NHSL1: variants seen among roughly 807,000 people sequenced by gnomAD.
NHSL1 encodes NHS-like protein 1.
NHSL1 carries 48 observed loss-of-function variants against 95.0 expected under a neutral mutation model. The ratio of observed to expected loss-of-function variants is 0.51; its 90% CI spans 0.40 to 0.64. NHSL1 has a LOEUF of 0.64. Among genes scored for constraint, NHSL1 ranks in the 30% least tolerant of loss-of-function variants. NHSL1 has a pLI of 0.00. For synonymous variants in NHSL1, 783 were observed against 833.9 expected (o/e 0.94, Z 1.05); for missense variants, 1,971 against 2,077.7 (o/e 0.95, Z 1.00).
At chr6:138,481,361 C>A (rs1031994096) in intron 2 of NHSL1, among the ~76,000 whole-genome samples, 3 of 152,172 alleles carry the variant, frequency 2.0e-5, no homozygotes, top group African/African-American at 7.2e-5. Context: ...AGAAATCATA[C>A]TGATATAGTT....
intron 1 of NHSL1, among the ~76,000 whole-genome samples, chr6:138,538,633 A>G (rs1782457380): frequency 6.6e-6 from 1 of 152,198 alleles, no homozygotes; most frequent in African/African-American, 2.4e-5. Context: ...TGAAAGTTCC[A>G]GCAACAATGA....
At chr6:138,462,446 C>G (rs1297952999) in intron 3 of NHSL1, among the ~76,000 whole-genome samples, 1 of 152,208 alleles carries the variant, frequency 6.6e-6, no homozygotes, top group Non-Finnish European at 1.5e-5. Flanking sequence ...GAGAACATCA[C>G]CAAGCTATTC....
At chr6:138,650,483 G>T in intron 1 of NHSL1, 1 of 845,088 alleles carries the variant, frequency 1.2e-6, no homozygotes, top group Non-Finnish European at 2.0e-6. Flanking sequence ...CCTGGTGGAG[G>T]CTGTCATCCA....
chr6:138,634,579 G>A (rs1784863944), intron 1 of NHSL1, among the ~76,000 whole-genome samples: 2 of 151,958 alleles, frequency 1.3e-5, no homozygotes, highest in Admixed American at 6.6e-5. Flanking sequence ...AGCTAAAAAG[G>A]GAGAGATCCC....
At chr6:138,497,495 G>A (rs1224864767) in intron 1 of NHSL1, among the ~76,000 whole-genome samples, 1 of 152,120 alleles carries the variant, frequency 6.6e-6, no homozygotes, top group African/African-American at 2.4e-5. Context: ...CATGTACCTG[G>A]AAACTAGACC....
At chr6:138,476,134 CCACT>C (rs1355076131) in intron 2 of NHSL1, among the ~76,000 whole-genome samples, 1 of 152,074 alleles carries the variant, frequency 6.6e-6, no homozygotes, top group East Asian at 1.9e-4. Context: ...CCCAGCAATC[CCACT>C]ACTGAGCATC....
chr6:138,449,110 G>C (rs924069324), intron 3 of NHSL1, among the ~76,000 whole-genome samples: 2 of 150,896 alleles, frequency 1.3e-5, no homozygotes, highest in African/African-American at 4.9e-5. Flanking sequence ...ACTGTTTACT[G>C]CTACTGCATT....
At chr6:138,597,894 T>C (rs1468294714) in intron 1 of NHSL1, among the ~76,000 whole-genome samples, 1 of 152,188 alleles carries the variant, frequency 6.6e-6, no homozygotes, top group African/African-American at 2.4e-5. Flanking sequence ...TGAGAAGCAC[T>C]GACCTACAGG....
chr6:138,508,411 G>A lies in NHSL1; in HGVS notation c.17-12040C>T, dbSNP rs139231749. Among the ~76,000 whole-genome samples the A allele has an allele frequency of 7.2e-5, 11 of 152,154 alleles. No individual in the cohort carries two copies. In the East Asian group the frequency reaches 1.9e-3, roughly 27 times the overall value. ...ATTGGTGAGTATGGAAATAGCACAG[G>A]CAAATCAAAAAAGGGAGATTTCATA... On this transcript the variant is annotated intron_variant, in intron 1 of 4. Transcript: ENST00000342260.
intron 1 of NHSL1, among the ~76,000 whole-genome samples, chr6:138,627,279 T>C (rs182294038): frequency 3.3e-5 from 5 of 152,358 alleles, no homozygotes; most frequent in Admixed American, 2.6e-4. Context: ...GCTTTTGGTC[T>C]ATGTTTTAAG....
Position 138,639,886 on chromosome 6 carries a change from C to T in NHSL1, c.96+52590G>A, listed in dbSNP as rs1583461994. ...TTACAAACCATTTTTCAAATTTTAG[C>T]TTTTTTTTTTTTTTTACAAAATGCA... On this transcript the variant is annotated intron_variant, in intron 1 of 3. Transcript: ENST00000491526. Among the ~76,000 whole-genome samples, 3 of 123,234 alleles carry T rather than the reference C, an allele frequency of 2.4e-5. No homozygotes were observed. The South Asian group carries it at 7.8e-4, about 32-fold the overall frequency. The allele number at this position is 123,234 out of a possible 152,430, so 80.8% of individuals were successfully genotyped here.
intron 3 of NHSL1, among the ~76,000 whole-genome samples, chr6:138,455,668 A>G (rs533046068): frequency 5.9e-5 from 9 of 152,338 alleles, no homozygotes; most frequent in African/African-American, 1.7e-4. Context: ...TATTAAAATA[A>G]TCTGTTTCAT....
At chr6:138,482,521 C>G (rs914079207) in intron 2 of NHSL1, among the ~76,000 whole-genome samples, 3 of 150,702 alleles carry the variant, frequency 2.0e-5, no homozygotes, top group African/African-American at 7.3e-5. Context: ...AAGAGAAAGT[C>G]AAGCTGGTGA....
chr6:138,426,227 G>C (rs1775253552), intron 7 of NHSL1, among the ~76,000 whole-genome samples: 1 of 152,220 alleles, frequency 6.6e-6, no homozygotes, highest in African/African-American at 2.4e-5. Context: ...ATATGCAGCA[G>C]GGAAAGGTTG....
At chr6:138,513,921 T>A (rs1781343902) in intron 1 of NHSL1, among the ~76,000 whole-genome samples, 1 of 152,206 alleles carries the variant, frequency 6.6e-6, no homozygotes, top group Admixed American at 6.5e-5. Flanking sequence ...AGGTGCCCAG[T>A]GCCAGGTTTG....
chr6:138,678,345 T>C (rs1785473338), intron 1 of NHSL1, among the ~76,000 whole-genome samples: 1 of 152,228 alleles, frequency 6.6e-6, no homozygotes, highest in African/African-American at 2.4e-5. Context: ...AGAGACTAGA[T>C]GACCTTTCAT....
chr6:138,516,809 A>AT (rs1018483496), intron 1 of NHSL1, among the ~76,000 whole-genome samples: 12 of 151,472 alleles, frequency 7.9e-5, no homozygotes, highest in African/African-American at 2.7e-4. Context: ...TAATCTTTGT[A>AT]TTTTTTTTAG....
chr6:138,575,519 T>C (rs1207408326), upstream of NHSL1, among the ~76,000 whole-genome samples: 1 of 152,254 alleles, frequency 6.6e-6, no homozygotes, highest in Admixed American at 6.5e-5. Context: ...GGGATACGTT[T>C]GTATAATAAC....
rs555637597 is a variant in NHSL1 at position 138,619,294 on chromosome 6, C to T, written c.96+73182G>A. 5.9e-5 allele frequency among the ~76,000 whole-genome samples: 9 copies of T among 152,132 alleles called. No homozygotes were observed. The South Asian group carries it at 8.3e-4, about 14-fold the overall frequency. On this transcript the variant is annotated intron_variant, in intron 1 of 3. Transcript: ENST00000491526. ...CAGATGTTGCAGTGAGCCGAGATCA[C>T]GCCACTGCACTCCAGCCTGGATGAC...
Sources: gnomAD v4.1 joint callset for allele counts (sites outside exome capture counted in the v4.1 genomes callset) on GRCh38, gnomAD v4.1.1 for gene constraint, MANE v1.5 for transcripts, NCBI Gene and HGNC (gene_info 2026-07-23, HGNC 2026-07-21) for gene names.